Variants in CD6 observed in about 807,000 individuals in gnomAD.
CD6 encodes the protein CD6 molecule.
A neutral mutation model predicts 75.3 loss-of-function variants in CD6; 53 were observed. The ratio of observed to expected loss-of-function variants is 0.70; its 90% CI spans 0.56 to 0.88. The LOEUF is 0.88. CD6 is among the 40% of genes least tolerant of loss of function. The pLI, the probability that CD6 is intolerant of heterozygous loss-of-function variation, is 0.00. For synonymous variants in CD6, 359 were observed against 381.5 expected (o/e 0.94, Z 0.69); for missense variants, 770 against 897.1 (o/e 0.86, Z 1.81).
intron 1 of CD6, among the ~76,000 whole-genome samples, chr11:60,979,419 G>C (rs1344864874): frequency 3.3e-5 from 5 of 152,030 alleles, no homozygotes; most frequent in Non-Finnish European, 7.4e-5. Context: ...CCATGAGCCA[G>C]GGGAGAGCTT....
In CD6 at chr11:61,007,691, C is replaced by G; in HGVS notation, c.250C>G (p.Arg84Gly). 5 of 1,413,840 alleles carry G rather than the reference C, an allele frequency of 3.5e-6. No homozygotes were observed. The highest frequency in any genetic ancestry group is 1.5e-5 in the South Asian group (1 of 64,774). 87.6% of individuals were successfully genotyped at this position (1,413,840 alleles called of 1,614,324 possible). ...WDSRAAEAVC[R>G]ALGCGGAEAA... ...CAGCCGCGCCGCCGAGGCCGTGTGC[C>G]GAGCACTGGGCTGCGGCGGGGCGGA... is the stretch of plus-strand genomic sequence containing the variant. The change falls in exon 3 of 13, where the codon CGA becomes GGA. Residue 84 changes from arginine (R) to glycine (G), a missense_variant. Transcript: ENST00000313421. This position sits in a 1 kb window ranked among gnomAD's most constrained non-coding sequence, Gnocchi z 4.2.
At chr11:60,987,455 G>A (rs905352213) in intron 1 of CD6, among the ~76,000 whole-genome samples, 9 of 152,140 alleles carry the variant, frequency 5.9e-5, no homozygotes, top group Non-Finnish European at 1.2e-4. Context: ...CACATTCTGG[G>A]GTACTGGAAA....
chr11:60,984,762 AG>A lies in CD6; in HGVS notation c.49+12849del, dbSNP rs759180813. ...GGAGGGGATATAGACCTGAGTGATG[AG>A]ATGAGCTGGGAATGCTGAGATCAGG... On this transcript the variant is annotated intron_variant, in intron 1 of 12. Transcript: ENST00000313421. Among the ~76,000 whole-genome samples the A allele has an allele frequency of 9.2e-5, 14 of 152,332 alleles. No individual in the cohort carries two copies. In the East Asian group the frequency reaches 9.6e-4, roughly 10 times the overall value.
chr11:60,974,902 G>T (rs942337084), intron 1 of CD6, among the ~76,000 whole-genome samples: 3 of 152,120 alleles, frequency 2.0e-5, no homozygotes, highest in Non-Finnish European at 4.4e-5. Context: ...GTCCAGATCT[G>T]ACACTATGAC....
chr11:61,003,129 T>C (rs7396422), intron 1 of CD6, among the ~76,000 whole-genome samples: 100,365 of 151,904 alleles, frequency 0.66, 33,437 homozygotes, highest in Admixed American at 0.74. Context: ...CACACCCGAC[T>C]AATTTTTGTA....
chr11:61,014,139 C>T, intron 8 of CD6, 125 bp downstream of exon 8: 1 of 646,062 alleles, frequency 1.5e-6, no homozygotes, highest in Middle Eastern at 3.2e-4. Flanking sequence ...TGGGCCAGCC[C>T]ACTCCCGGCC....
intron 1 of CD6, among the ~76,000 whole-genome samples, chr11:61,001,036 A>T (rs895215257): frequency 6.6e-6 from 1 of 152,144 alleles, no homozygotes; most frequent in Admixed American, 6.5e-5. Context: ...TTGGGACACA[A>T]CTAGAGATGA....
chr11:61,009,839 G>T lies in CD6; in HGVS notation c.1049G>T (p.Cys350Phe). The T allele has an allele frequency of 1.3e-6, 2 of 1,570,560 alleles. No individual in the cohort carries two copies. Among genetic ancestry groups the T allele is most frequent in the Non-Finnish European group, 1.7e-6 (2 of 1,156,114 alleles). The change falls in exon 5 of 13, where the codon TGC becomes TTC. Residue 350 changes from cysteine to phenylalanine, a missense_variant. Cys to Phe is a radical substitution (Grantham distance 205). Transcript: ENST00000313421. ...TGGCGGTTCAACAACTCCAACCTCT[G>T]CAGCCAGTCGCTGGCAGCCAGGGTC... is the stretch of plus-strand genomic sequence containing the variant. Reference protein sequence around the residue: ...CSWRFNNSNLCSQSLAARVLC... With the variant: ...CSWRFNNSNLFSQSLAARVLC...
chr11:61,009,267 G>T (rs1224502020), intron 4 of CD6, among the ~76,000 whole-genome samples: 2 of 152,176 alleles, frequency 1.3e-5, no homozygotes, highest in African/African-American at 4.8e-5. Flanking sequence ...GCAGGAGATG[G>T]GGGAGGTGGG....
chr11:61,020,180 G>A lies in CD6; in HGVS notation c.*862G>A, dbSNP rs545232851. On this transcript the variant is annotated 3_prime_UTR_variant, in exon 13 of 13. Transcript: ENST00000313421. ...ATGTTTTCCAGGAAGGGGCTCAGAA[G>A]CTGCACTAGGCCCCGAGTCCCCATG... is the stretch of plus-strand genomic sequence containing the variant. The A allele has an allele frequency of 1.5e-4, 59 of 398,702 alleles. No homozygotes were observed. Among genetic ancestry groups the A allele is most frequent in the African/African-American group, 9.6e-4 (47 of 48,750 alleles). 24.7% of individuals were successfully genotyped at this position (398,702 alleles called of 1,614,324 possible). A position where few individuals can be genotyped will look rare whatever the true frequency, so the allele number is the denominator to read the frequency against.
intron 1 of CD6, among the ~76,000 whole-genome samples, chr11:60,974,632 T>G (rs186788294): frequency 8.1e-4 from 124 of 152,328 alleles, no homozygotes; most frequent in African/African-American, 2.8e-3. Context: ...GCTTGGTTTG[T>G]GTTGCTGATT....
intron 9 of CD6, chr11:61,017,162 C>G (rs778814320): frequency 7.5e-5 from 27 of 357,752 alleles, no homozygotes; most frequent in Non-Finnish European, 1.4e-4. Flanking sequence ...CTTCTCCTGC[C>G]CAGAGCTGCC....
Position 61,007,895 on chromosome 11 carries a change from C to T in CD6, c.454C>T (p.Arg152Cys). The stretch of plus-strand genomic sequence containing the variant: ...GTGCCGCAGCGACGGGAGGCGGGCC[C>T]GTGTCACCTGTGCAGGTACGAGCGC... ...HACRSDGRRA[R>C]VTCAENRALR... The change falls in exon 3 of 13, where the codon CGT (arginine) becomes TGT (cysteine). Residue 152 changes from arginine (R) to cysteine (C), a missense_variant. Physicochemically the swap from Arg to Cys is radical, Grantham distance 180 (BLOSUM62 -3). Transcript: ENST00000313421. The surrounding 1 kb of genome is among the most constrained non-coding windows in gnomAD (Gnocchi z 4.2). 1 of 1,366,648 alleles carries T rather than the reference C, an allele frequency of 7.3e-7. No individual in the cohort carries two copies. 84.7% of individuals were successfully genotyped at this position (1,366,648 alleles called of 1,614,324 possible).
At chr11:61,014,461 A>T (rs2134489369) in intron 8 of CD6, among the ~76,000 whole-genome samples, 1 of 152,352 alleles carries the variant, frequency 6.6e-6, no homozygotes, top group Non-Finnish European at 1.5e-5. Context: ...GGGGCTGGGT[A>T]CAGTGGCTCA....
At chr11:61,000,366 C>G (rs1590701415) in intron 1 of CD6, among the ~76,000 whole-genome samples, 2 of 152,236 alleles carry the variant, frequency 1.3e-5, no homozygotes, top group South Asian at 4.2e-4. Context: ...CCTGGCTGCA[C>G]CACTTGTAGA....
chr11:61,003,563 T>C (rs1374498530), intron 1 of CD6, among the ~76,000 whole-genome samples: 1 of 151,950 alleles, frequency 6.6e-6, no homozygotes, highest in African/African-American at 2.4e-5. Context: ...GAAAACCCCG[T>C]CTCTACAAAA....
At position 60,995,606 on chromosome 11, in the gene CD6, C is replaced by T. The variant is rs763492699; in HGVS notation, c.50-10968C>T. Among the ~76,000 whole-genome samples the T allele has an allele frequency of 8.5e-5, 13 of 152,232 alleles. No homozygotes were observed. The South Asian group carries it at 2.3e-3, about 27-fold the overall frequency. ...AGCTTCCTCCCCTAAATTCATTGGC[C>T]CTCCTCTTCCAATTGGCCGATGCAT... On this transcript the variant is annotated intron_variant, in intron 1 of 12. Transcript: ENST00000313421.
At position 61,007,676 on chromosome 11, in the gene CD6, G is replaced by A; in HGVS notation, c.235G>A (p.Ala79Thr). The A allele has an allele frequency of 7.0e-7, 1 of 1,420,174 alleles. No individual in the cohort carries two copies. The highest frequency in any genetic ancestry group is 9.2e-7 in the Non-Finnish European group (1 of 1,086,828). The allele number at this position is 1,420,174 out of a possible 1,614,324, so 88.0% of individuals were successfully genotyped here. A position where few individuals can be genotyped will look rare whatever the true frequency, so the allele number is the denominator to read the frequency against. ...CGGGGCGCTCTGGGACAGCCGCGCCGCCGAGGCCGTGTGCCGAGCACTGGG... is the reference window on the plus strand; with the variant it reads ...CGGGGCGCTCTGGGACAGCCGCGCCACCGAGGCCGTGTGCCGAGCACTGGG... ...ACGALWDSRA[A>T]EAVCRALGCG... The change falls in exon 3 of 13, where the codon GCC becomes ACC. Residue 79 changes from alanine (A) to threonine (T), a missense_variant. Coordinates refer to ENST00000313421, the MANE Select transcript of CD6 (RefSeq NM_006725.5). This position sits in a 1 kb window ranked among gnomAD's most constrained non-coding sequence, Gnocchi z 4.2.
At chr11:61,006,446 C>A in intron 1 of CD6, 128 bp from the exon 2 acceptor site, 2 of 696,852 alleles carry the variant, frequency 2.9e-6, no homozygotes, top group South Asian at 1.7e-5. Context: ...AGTTGAGGAC[C>A]ACGTCTTTTC....
Sources: gnomAD v4.1 joint callset for allele counts (sites outside exome capture counted in the v4.1 genomes callset) on GRCh38, gnomAD v4.1.1 for gene constraint, Gnocchi (gnomAD v3.1) non-coding constraint, MANE v1.5 for transcripts, NCBI Gene and HGNC (gene_info 2026-07-23, HGNC 2026-07-21) for gene names.